Variants in EYS observed in about 807,000 individuals in gnomAD.
The protein encoded by EYS is EGF-like photoreceptor maintenance factor, also known as protein eyes shut homolog.
In EYS, 250 loss-of-function variants were observed where a neutral mutation model predicts 282.1. The observed-to-expected ratio is 0.89, with a 90% CI of 0.80 to 0.98. EYS has a LOEUF of 0.98. Among genes scored for constraint, EYS ranks in the 50% least tolerant of loss-of-function variants. The pLI is 0.00. For synonymous variants in EYS, 1,355 were observed against 1,282.9 expected, an observed-to-expected ratio of 1.06 and a Z score of -1.20; for missense variants, 4,016 against 3,709.0, an observed-to-expected ratio of 1.08 and a Z score of -2.15.
In EYS at chr6:64,456,723, C is replaced by G. The variant is rs918443516; in HGVS notation, c.5645-17371G>C. Among the ~76,000 whole-genome samples the G allele has an allele frequency of 4.6e-5, 7 of 152,004 alleles. No individual in the cohort carries two copies. In the East Asian group the frequency reaches 1.4e-3, roughly 29 times the overall value. On this transcript the variant is annotated intron_variant, in intron 26 of 42. Coordinates refer to ENST00000503581, the MANE Select transcript of EYS (RefSeq NM_001142800.2). ...TTCTGAGGCATATATTTGGAAAAGT[C>G]TGAAGCACATGGCATTACCATATTA...
intron 15 of EYS, among the ~76,000 whole-genome samples, chr6:64,937,406 T>C (rs1320290754): frequency 1.3e-5 from 2 of 151,600 alleles, no homozygotes; most frequent in Admixed American, 1.3e-4. Flanking sequence ...ATAATTGGCT[T>C]GTATCCAAAA....
chr6:65,077,108 G>A (rs1183284285), intron 12 of EYS, among the ~76,000 whole-genome samples: 1 of 152,048 alleles, frequency 6.6e-6, no homozygotes, highest in African/African-American at 2.4e-5. Flanking sequence ...AGGTGTGGAA[G>A]CAGTATAGTC....
At chr6:64,106,475 T>A (rs73762729) in intron 31 of EYS, among the ~76,000 whole-genome samples, 4,421 of 152,204 alleles carry the variant, frequency 0.029, 211 homozygotes, top group African/African-American at 0.1. Context: ...TTCATTCCTT[T>A]CTGTTTTTGT....
chr6:63,832,619 C>T (rs1247306813), intron 36 of EYS, among the ~76,000 whole-genome samples: 1 of 152,126 alleles, frequency 6.6e-6, no homozygotes, highest in Admixed American at 6.6e-5. Context: ...GGATTCACAG[C>T]CTAATTCTAC....
intron 1 of EYS, among the ~76,000 whole-genome samples, chr6:65,673,136 A>T (rs1331274469): frequency 6.6e-6 from 1 of 152,100 alleles, no homozygotes; most frequent in Non-Finnish European, 1.5e-5. Context: ...CTTAGCTCGG[A>T]TCAGAGGCCT....
chr6:65,456,703 T>C (rs1020953635), intron 5 of EYS, among the ~76,000 whole-genome samples: 8 of 149,844 alleles, frequency 5.3e-5, no homozygotes, highest in Non-Finnish European at 1.2e-4. Context: ...TTGACAAAAT[T>C]CAACATCCCT....
chr6:65,517,596 CT>C (rs1351611629), intron 2 of EYS, among the ~76,000 whole-genome samples: 3 of 151,878 alleles, frequency 2.0e-5, no homozygotes, highest in Admixed American at 6.6e-5. Flanking sequence ...TCATTTTGGG[CT>C]TTTTATCAAC....
chr6:63,879,402 A>G (rs1241554623), intron 35 of EYS, among the ~76,000 whole-genome samples: 1 of 152,156 alleles, frequency 6.6e-6, no homozygotes, highest in Non-Finnish European at 1.5e-5. Flanking sequence ...AGAGAGGGAG[A>G]GGCTACTGAA....
At chr6:64,193,735 A>T (rs556879493) in intron 31 of EYS, among the ~76,000 whole-genome samples, 1 of 152,102 alleles carries the variant, frequency 6.6e-6, no homozygotes, top group Non-Finnish European at 1.5e-5. Flanking sequence ...CCACCTGTGA[A>T]TGAGAACATG....
At chr6:64,377,661 C>T (rs1772602785) in intron 29 of EYS, 1 of 151,380 alleles carries the variant, frequency 6.6e-6, no homozygotes, top group Non-Finnish European at 1.5e-5. Context: ...ATTAGAAGGA[C>T]AATAATTTTA....
At chr6:64,723,376 C>A (rs1040986616) in intron 22 of EYS, among the ~76,000 whole-genome samples, 2 of 152,144 alleles carry the variant, frequency 1.3e-5, no homozygotes, top group African/African-American at 4.8e-5. Context: ...ACAGAGTTCT[C>A]AGAGATATTT....
At chr6:65,028,053 C>T (rs1380949251) in intron 13 of EYS, among the ~76,000 whole-genome samples, 1 of 152,116 alleles carries the variant, frequency 6.6e-6, no homozygotes, top group Non-Finnish European at 1.5e-5. Context: ...AGTTCTTCTG[C>T]ATCACAAGCA....
At chr6:64,238,268 G>A (rs982201387) in intron 30 of EYS, among the ~76,000 whole-genome samples, 14 of 152,124 alleles carry the variant, frequency 9.2e-5, no homozygotes, top group African/African-American at 2.9e-4. Flanking sequence ...AGGCAGGACT[G>A]GCACCTCAGG....
At position 65,696,761 on chromosome 6, in the gene EYS, T is replaced by C. The variant is rs149232490; in HGVS notation, c.-448+10374A>G. Among the ~76,000 whole-genome samples, 540 of 152,108 alleles carry C rather than the reference T, an allele frequency of 3.6e-3. 24 individuals are homozygous for C. The East Asian group carries it at 0.084, about 24-fold the overall frequency. ...AATAATTCAAAGATCACTTAAGCCA[T>C]TGTAAATAAAATATTAAACTTTGAA... is the stretch of plus-strand genomic sequence containing the variant. On this transcript the variant is annotated intron_variant, in intron 1 of 42. Coordinates refer to ENST00000503581, the MANE Select transcript of EYS (RefSeq NM_001142800.2).
At chr6:63,737,490 C>G (rs1768948751) in intron 41 of EYS, among the ~76,000 whole-genome samples, 2 of 152,042 alleles carry the variant, frequency 1.3e-5, no homozygotes, top group African/African-American at 4.8e-5. Flanking sequence ...TTTGGTTTTC[C>G]AGTATTTTAT....
At chr6:64,972,572 T>C (rs1368269289) in intron 14 of EYS, among the ~76,000 whole-genome samples, 1 of 152,016 alleles carries the variant, frequency 6.6e-6, no homozygotes, top group Non-Finnish European at 1.5e-5. Flanking sequence ...ATGACTCAAT[T>C]CTCCTTAATG....
intron 8 of EYS, among the ~76,000 whole-genome samples, chr6:65,370,869 C>T (rs1765116767): frequency 6.6e-6 from 1 of 151,808 alleles, no homozygotes; most frequent in Non-Finnish European, 1.5e-5. Flanking sequence ...AAAGTTAGTA[C>T]CATATAAAGA....
chr6:64,580,837 A>G (rs1562073418), intron 26 of EYS, among the ~76,000 whole-genome samples: 3 of 152,228 alleles, frequency 2.0e-5, no homozygotes, highest in South Asian at 2.1e-4. Context: ...AAACAGACAT[A>G]AAAAGCTGAA....
intron 14 of EYS, among the ~76,000 whole-genome samples, chr6:64,978,056 T>C (rs1460115765): frequency 1.3e-5 from 2 of 151,976 alleles, no homozygotes. Flanking sequence ...AGATGATTGA[T>C]GAAGGTGACT....
Sources: allele counts gnomAD v4.1 joint callset (sites outside exome capture counted in the v4.1 genomes callset), GRCh38; gene constraint gnomAD v4.1.1; transcripts MANE v1.5; gene names NCBI Gene and HGNC (gene_info 2026-07-23, HGNC 2026-07-21).